Variants in DGKI observed in about 807,000 individuals in gnomAD.
DGKI encodes diacylglycerol kinase iota.
In DGKI, 55 loss-of-function variants were observed where a neutral mutation model predicts 147.5. That is an observed-to-expected ratio of 0.37 (90% CI 0.30 to 0.47). DGKI has a LOEUF of 0.47. Among genes scored for constraint, DGKI ranks in the 20% least tolerant of loss-of-function variants. DGKI has a pLI of 1.00. For synonymous variants in DGKI, 469 were observed against 477.1 expected (o/e 0.98, Z 0.22); for missense variants, 1,007 against 1,323.8 (o/e 0.76, Z 3.71).
At chr7:137,800,521 T>C (rs1026724644) in intron 1 of DGKI, among the ~76,000 whole-genome samples, 5 of 152,146 alleles carry the variant, frequency 3.3e-5, no homozygotes. Flanking sequence ...ATTGGAAGCT[T>C]CCTCAGGCCT....
chr7:137,843,797 C>CACACACACA (rs1798628401), intron 1 of DGKI, among the ~76,000 whole-genome samples: 2 of 76,748 alleles, frequency 2.6e-5, no homozygotes, highest in African/African-American at 3.8e-5. Flanking sequence ...ACACACACAC[C>CACACACACA]CTCTCTCCCA....
chr7:137,687,149 T>C (rs1159996004), intron 2 of DGKI, among the ~76,000 whole-genome samples: 4 of 152,274 alleles, frequency 2.6e-5, no homozygotes, highest in Admixed American at 2.6e-4. Flanking sequence ...AGGACCCTCG[T>C]CGTCCCTGCT....
At chr7:137,476,110 A>G (rs370867848) in intron 23 of DGKI, among the ~76,000 whole-genome samples, 2 of 152,204 alleles carry the variant, frequency 1.3e-5, no homozygotes, top group South Asian at 2.1e-4. Context: ...GAGTCATCCA[A>G]CCCCGTTACA....
At chr7:137,657,708 C>G (rs181397214) in intron 3 of DGKI, among the ~76,000 whole-genome samples, 2 of 152,158 alleles carry the variant, frequency 1.3e-5, no homozygotes, top group South Asian at 2.1e-4. Context: ...GGCAACCTTC[C>G]CCTTCCGAGG....
intron 7 of DGKI, among the ~76,000 whole-genome samples, chr7:137,621,136 TAATC>T (rs752865080): frequency 2.0e-5 from 3 of 152,204 alleles, no homozygotes; most frequent in Non-Finnish European, 2.9e-5. Context: ...GGCTAATCAT[TAATC>T]AAGCAATTGT....
At chr7:137,415,911 C>A (rs1320367635) in intron 28 of DGKI, among the ~76,000 whole-genome samples, 1 of 152,014 alleles carries the variant, frequency 6.6e-6, no homozygotes, top group Admixed American at 6.6e-5. Context: ...CTGCTTGAAC[C>A]CTTGGGAGGC....
chr7:137,788,281 T>A (rs533292869), intron 1 of DGKI, among the ~76,000 whole-genome samples: 1 of 152,224 alleles, frequency 6.6e-6, no homozygotes, highest in East Asian at 1.9e-4. Context: ...ACGGTCCAAC[T>A]TGATGGGGTT....
intron 20 of DGKI, among the ~76,000 whole-genome samples, chr7:137,543,160 T>G (rs1338282054): frequency 6.6e-6 from 1 of 152,228 alleles, no homozygotes; most frequent in Admixed American, 6.5e-5. Context: ...AATTACAGCA[T>G]TTACCATGAC....
chr7:137,544,511 T>C (rs1266048148), intron 20 of DGKI, among the ~76,000 whole-genome samples: 1 of 152,182 alleles, frequency 6.6e-6, no homozygotes, highest in African/African-American at 2.4e-5. Flanking sequence ...ACAGAGCAAG[T>C]GCAAAATAAA....
At chr7:137,626,322 GACACACACACACACACACACACAC>G (rs111591226) in intron 6 of DGKI, among the ~76,000 whole-genome samples, 1 of 139,048 alleles carries the variant, frequency 7.2e-6, no homozygotes, top group Non-Finnish European at 1.6e-5. Context: ...AAGTGCTTCT[GACACACACACACACACACACACAC>G]ACACACACAC....
chr7:137,513,546 T>C (rs1184202186), intron 21 of DGKI, among the ~76,000 whole-genome samples: 2 of 152,254 alleles, frequency 1.3e-5, no homozygotes, highest in Non-Finnish European at 2.9e-5. Context: ...TATAGTCATA[T>C]GTCATTTAAT....
At position 137,656,321 on chromosome 7, in the gene DGKI, A is replaced by G. The variant is rs1371248912; in HGVS notation, c.681+145T>C. The G allele has an allele frequency of 1.3e-5, 10 of 793,084 alleles. No individual in the cohort carries two copies. In the East Asian group the frequency reaches 2.0e-4, roughly 16 times the overall value. The allele number at this position is 793,084 out of a possible 1,614,324, so 49.1% of individuals were successfully genotyped here. On this transcript the variant is annotated intron_variant, in intron 4 of 32. Coordinates refer to ENST00000614521, the MANE Select transcript of DGKI (RefSeq NM_001321708.2). ...AACGACCCTTAAACATTGTCTTTCC[A>G]TTAGTAATCTGGTAATAATGTTGGA... is the stretch of plus-strand genomic sequence containing the variant.
intron 19 of DGKI, among the ~76,000 whole-genome samples, chr7:137,563,941 T>C (rs1818499092): frequency 6.6e-6 from 1 of 152,114 alleles, no homozygotes; most frequent in South Asian, 2.1e-4. Flanking sequence ...TTCTAATATT[T>C]ATATGCAAAT....
At chr7:137,833,102 T>C (rs557574042) in intron 1 of DGKI, among the ~76,000 whole-genome samples, 1 of 152,310 alleles carries the variant, frequency 6.6e-6, no homozygotes, top group African/African-American at 2.4e-5. Flanking sequence ...TTCCCACATT[T>C]TCCTGTCTTC....
At chr7:137,526,521 T>G (rs2128955093) in intron 20 of DGKI, among the ~76,000 whole-genome samples, 1 of 152,162 alleles carries the variant, frequency 6.6e-6, no homozygotes, top group East Asian at 1.9e-4. Flanking sequence ...CATGAACACT[T>G]TCTCAAGAAC....
At chr7:137,446,923 C>T (rs1813740311) in intron 27 of DGKI, among the ~76,000 whole-genome samples, 1 of 152,190 alleles carries the variant, frequency 6.6e-6, no homozygotes, top group African/African-American at 2.4e-5. Context: ...ACCTGAAAGA[C>T]ATGTGGTTGT....
At chr7:137,728,946 C>A (rs1356648767) in intron 1 of DGKI, among the ~76,000 whole-genome samples, 1 of 152,090 alleles carries the variant, frequency 6.6e-6, no homozygotes, top group Non-Finnish European at 1.5e-5. Context: ...TTTTGGAGTT[C>A]TTGGGTGATA....
chr7:137,482,567 G>A (rs974434416), intron 23 of DGKI, among the ~76,000 whole-genome samples: 1 of 151,820 alleles, frequency 6.6e-6, no homozygotes, highest in African/African-American at 2.4e-5. Context: ...GATCTAACAG[G>A]CATATCAAAA....
chr7:137,404,140 T>G (rs994176005), intron 30 of DGKI, among the ~76,000 whole-genome samples: 1 of 152,196 alleles, frequency 6.6e-6, no homozygotes, highest in Non-Finnish European at 1.5e-5. Context: ...AAGAACACTA[T>G]AATTTAAAGG....
Sources: gnomAD v4.1 joint callset for allele counts (sites outside exome capture counted in the v4.1 genomes callset) on GRCh38, gnomAD v4.1.1 for gene constraint, MANE v1.5 for transcripts, NCBI Gene and HGNC (gene_info 2026-07-23, HGNC 2026-07-21) for gene names.